Variants in MYL1 observed in about 807,000 individuals in gnomAD.
MYL1 encodes myosin light chain 1/3, skeletal muscle isoform.
Under a neutral mutation model 21.8 loss-of-function variants are expected in MYL1, and 16 were observed. That is an observed-to-expected ratio of 0.74 (90% CI 0.50 to 1.12). The LOEUF is 1.12. Ranked by LOEUF, MYL1 falls within the 50% of genes most tolerant of loss-of-function variation. The pLI is 0.00. For synonymous variants in MYL1, 99 were observed against 85.2 expected (o/e 1.16, Z -0.89); for missense variants, 246 against 241.0 (o/e 1.02, Z -0.14).
chr2:210,291,058 G>A lies in MYL1; in HGVS notation c.573C>T (p.Ile191=), dbSNP rs1690067589. The A allele has an allele frequency of 6.2e-7, 1 of 1,609,612 alleles. No homozygotes were observed. The highest frequency in any genetic ancestry group is 8.5e-7 in the Non-Finnish European group (1 of 1,176,428). Residue 191 remains isoleucine (I), a synonymous_variant, in exon 6 of 7, where the codon ATC becomes ATT. Transcript: ENST00000352451. ...CINYEAFVKH[I]MSI is the part of the protein sequence containing the mutation. Reference sequence around the variant, plus strand: ...TTGAGAGCTCCATTCAGATAGACATGATGTGCTTGACAAAAGCTGTAGGAG... The same window carrying A: ...TTGAGAGCTCCATTCAGATAGACATAATGTGCTTGACAAAAGCTGTAGGAG...
chr2:210,295,890 C>A (rs768560583), intron 3 of MYL1, among the ~76,000 whole-genome samples: 4 of 151,234 alleles, frequency 2.6e-5, no homozygotes, highest in Non-Finnish European at 4.4e-5. Flanking sequence ...TGCTTGCTCA[C>A]TTTATCTCAT....
chr2:210,309,814 G>A (rs1690392255), intron 1 of MYL1, among the ~76,000 whole-genome samples: 1 of 152,006 alleles, frequency 6.6e-6, no homozygotes, highest in African/African-American at 2.4e-5. Context: ...ATTTGGCACA[G>A]TCACTTTATG....
chr2:210,306,550 A>AT lies in MYL1; in HGVS notation c.133-4036dup, dbSNP rs533146360. ...TTTATCACATAGAGAATGCATTTAG[A>AT]TTTTTTTGGTACTTACTGAGAATCA... On this transcript the variant is annotated intron_variant, in intron 1 of 6. Coordinates refer to ENST00000352451, the MANE Select transcript of MYL1 (RefSeq NM_079420.3). Among the ~76,000 whole-genome samples the AT allele has an allele frequency of 7.3e-3, 1,108 of 152,176 alleles. 15 individuals carry two copies. The highest frequency in any genetic ancestry group is 8.6e-3 in the Non-Finnish European group (587 of 68,018).
At chr2:210,311,711 G>A (rs974099046) in intron 1 of MYL1, among the ~76,000 whole-genome samples, 1 of 151,974 alleles carries the variant, frequency 6.6e-6, no homozygotes, top group Non-Finnish European at 1.5e-5. Flanking sequence ...GCAGTTTTGA[G>A]CAATGCATAT....
chr2:210,308,865 T>C (rs371789362), intron 1 of MYL1, among the ~76,000 whole-genome samples: 8 of 1,750 alleles, frequency 4.6e-3, no homozygotes, highest in Non-Finnish European at 0.015. Context: ...GTTGTGTTTT[T>C]GTTCATTATT....
chr2:210,306,479 G>A (rs1690343484), intron 1 of MYL1, among the ~76,000 whole-genome samples: 1 of 152,028 alleles, frequency 6.6e-6, no homozygotes. Context: ...AAGCAGTTAA[G>A]TGGTATGCAG....
intron 3 of MYL1, among the ~76,000 whole-genome samples, chr2:210,295,814 G>A (rs1271831159): frequency 7.1e-6 from 1 of 141,808 alleles, no homozygotes; most frequent in Non-Finnish European, 1.5e-5. Flanking sequence ...GACAGAGTGA[G>A]ACCCTGCCTC....
At chr2:210,302,460 A>G (rs1347627795) in intron 2 of MYL1, 28 bp downstream of exon 2, 1 of 1,600,018 alleles carries the variant, frequency 6.2e-7, no homozygotes, top group African/African-American at 1.3e-5. Flanking sequence ...GAGTGTGCAC[A>G]TTTAAGAACC....
chr2:210,302,368 C>A, intron 2 of MYL1, 120 bp downstream of exon 2: 1 of 849,030 alleles, frequency 1.2e-6, no homozygotes. Flanking sequence ...AATTTATATT[C>A]AGAATGGCAA....
intron 1 of MYL1, among the ~76,000 whole-genome samples, chr2:210,305,623 A>C (rs1690331400): frequency 1.3e-5 from 2 of 152,178 alleles, no homozygotes; most frequent in Admixed American, 1.3e-4. Flanking sequence ...AAATAATACA[A>C]AATTAACCAT....
intron 3 of MYL1, among the ~76,000 whole-genome samples, chr2:210,295,643 C>T (rs1225212517): frequency 2.6e-5 from 4 of 151,706 alleles, no homozygotes; most frequent in Non-Finnish European, 4.4e-5. Flanking sequence ...GAGACCCTAT[C>T]GCAAATAAAT....
chr2:210,313,337 T>C (rs532988010), intron 1 of MYL1, among the ~76,000 whole-genome samples: 2 of 152,108 alleles, frequency 1.3e-5, no homozygotes, highest in South Asian at 4.1e-4. Context: ...TCATATCTCT[T>C]ATGTTACTAC....
At chr2:210,308,944 A>G (rs1690378957) in intron 1 of MYL1, among the ~76,000 whole-genome samples, 1 of 152,112 alleles carries the variant, frequency 6.6e-6, no homozygotes, top group South Asian at 2.1e-4. Flanking sequence ...CTGGAATAAA[A>G]GTTCCTTTTG....
chr2:210,303,669 C>T (rs1690298220), intron 1 of MYL1: 2 of 1,381,424 alleles, frequency 1.4e-6, no homozygotes, highest in East Asian at 2.5e-5. Flanking sequence ...TTTGACCTCA[C>T]AGCTAGCATC....
chr2:210,302,085 G>A (rs895515287), intron 2 of MYL1, among the ~76,000 whole-genome samples: 1 of 151,914 alleles, frequency 6.6e-6, no homozygotes, highest in Non-Finnish European at 1.5e-5. Context: ...GGGCAGTTTT[G>A]TAATCAATTT....
At chr2:210,302,400 A>G in intron 2 of MYL1, 88 bp downstream of exon 2, 1 of 1,206,324 alleles carries the variant, frequency 8.3e-7, no homozygotes, top group South Asian at 1.6e-5. Flanking sequence ...ATAATTAGGA[A>G]GAGCTAAACT....
intron 1 of MYL1, among the ~76,000 whole-genome samples, chr2:210,306,650 TA>T (rs2125743425): frequency 6.6e-6 from 1 of 152,052 alleles, no homozygotes; most frequent in Admixed American, 6.5e-5. Context: ...AACTGTAGTT[TA>T]AAAACTAGAA....
chr2:210,308,598 G>A lies in MYL1; in HGVS notation c.133-6083C>T, dbSNP rs137969055. Among the ~76,000 whole-genome samples the A allele has an allele frequency of 5.4e-3, 813 of 151,168 alleles. 10 individuals are homozygous for A. Among genetic ancestry groups the A allele is most frequent in the African/African-American group, 0.019 (768 of 41,222 alleles). On this transcript the variant is annotated intron_variant, in intron 1 of 6. Coordinates refer to ENST00000352451, the MANE Select transcript of MYL1 (RefSeq NM_079420.3). Reference sequence around the variant, plus strand: ...CTTAATTTTGTGCTATGAAGTCCTAGATCAGTCAACTGAATTCAGTCACAT... The same window carrying A: ...CTTAATTTTGTGCTATGAAGTCCTAAATCAGTCAACTGAATTCAGTCACAT...
chr2:210,300,611 G>T (rs1193663614), intron 2 of MYL1, among the ~76,000 whole-genome samples: 1 of 152,128 alleles, frequency 6.6e-6, no homozygotes, highest in Non-Finnish European at 1.5e-5. Context: ...TAATGGAATT[G>T]TTGTCATTCT....
Sources: allele counts gnomAD v4.1 joint callset (sites outside exome capture counted in the v4.1 genomes callset), GRCh38; gene constraint gnomAD v4.1.1; transcripts MANE v1.5; gene names NCBI Gene and HGNC (gene_info 2026-07-23, HGNC 2026-07-21).